INPP5D: variants seen among roughly 807,000 people sequenced by gnomAD.
INPP5D encodes the protein phosphatidylinositol 3,4,5-trisphosphate 5-phosphatase 1.
In INPP5D, 33 loss-of-function variants were observed where a neutral mutation model predicts 122.9. The observed-to-expected ratio is 0.27, with a 90% confidence interval of 0.20 to 0.36. The LOEUF is 0.36. Ranked by LOEUF, INPP5D falls within the 10% of genes least tolerant of loss-of-function variation. The pLI is 1.00. For missense variants in INPP5D, 1,053 were observed against 1,412.7 expected (o/e 0.75, Z 4.08); for synonymous variants, 584 against 576.2 (o/e 1.01, Z -0.19).
chr2:233,181,390 C>T (rs897435166), intron 18 of INPP5D, among the ~76,000 whole-genome samples: 1 of 152,112 alleles, frequency 6.6e-6, no homozygotes, highest in Non-Finnish European at 1.5e-5. Flanking sequence ...CCTTTGCCCG[C>T]CCATTCATGG....
intron 1 of INPP5D, among the ~76,000 whole-genome samples, chr2:233,065,240 G>A (rs1447256186): frequency 6.6e-6 from 1 of 151,416 alleles, no homozygotes; most frequent in African/African-American, 2.4e-5. Flanking sequence ...CAGCTTTGAT[G>A]CTTTGCATGT....
At chr2:233,065,307 G>GC (rs1553564991) in intron 1 of INPP5D, among the ~76,000 whole-genome samples, 40 of 116,956 alleles carry the variant, frequency 3.4e-4, no homozygotes, top group African/African-American at 1.2e-3. Context: ...CACTTCTTGG[G>GC]TTTTTTTTTT....
chr2:233,109,122 G>A (rs529852130), intron 2 of INPP5D, among the ~76,000 whole-genome samples: 2 of 152,314 alleles, frequency 1.3e-5, no homozygotes, highest in South Asian at 4.1e-4. Context: ...GTCACAAAAT[G>A]AGACCTGCCT....
At chr2:233,149,438 G>A (rs1220664869) in intron 9 of INPP5D, among the ~76,000 whole-genome samples, 1 of 152,052 alleles carries the variant, frequency 6.6e-6, no homozygotes, top group African/African-American at 2.4e-5. Context: ...CACTAAGTAT[G>A]GGGAACTGGG....
At chr2:233,068,330 C>G (rs867832109) in intron 1 of INPP5D, among the ~76,000 whole-genome samples, 2 of 147,720 alleles carry the variant, frequency 1.4e-5, no homozygotes, top group Admixed American at 6.8e-5. Context: ...TGTGGTGGCT[C>G]ACACCTGTAA....
At chr2:233,101,375 G>A (rs565895117) in intron 2 of INPP5D, among the ~76,000 whole-genome samples, 42 of 152,124 alleles carry the variant, frequency 2.8e-4, no homozygotes, top group African/African-American at 9.4e-4. Context: ...CCAAGTCCTG[G>A]CGAGGTCTGC....
intron 2 of INPP5D, among the ~76,000 whole-genome samples, chr2:233,106,280 G>T (rs1692467250): frequency 6.6e-6 from 1 of 152,150 alleles, no homozygotes; most frequent in Admixed American, 6.5e-5. Flanking sequence ...GCTGAACCAG[G>T]CTGGACTCCA....
intron 8 of INPP5D, among the ~76,000 whole-genome samples, chr2:233,146,781 GAA>G (rs372089347): frequency 0.1 from 15,537 of 151,862 alleles, 1,138 homozygotes; most frequent in East Asian, 0.31. Flanking sequence ...GGGGAATTCA[GAA>G]AAAAAATCGT....
rs919302295 is a variant in INPP5D at position 233,090,019 on chromosome 2, G to T, written c.198+10621G>T. 5.3e-5 allele frequency among the ~76,000 whole-genome samples: 8 copies of T among 152,188 alleles called. No individual in the cohort carries two copies. The South Asian group carries it at 6.2e-4, about 12-fold the overall frequency. ...CCCAGCGTCCACATCCTCGCATTGT[G>T]GGGTGGTAGGCGACCCGGTGTCTGT... On this transcript the variant is annotated intron_variant, in intron 2 of 26. Coordinates refer to ENST00000445964, the MANE Select transcript of INPP5D (RefSeq NM_001017915.3).
intron 9 of INPP5D, among the ~76,000 whole-genome samples, chr2:233,150,115 T>C (rs1693883653): frequency 6.6e-6 from 1 of 152,136 alleles, no homozygotes; most frequent in South Asian, 2.1e-4. Context: ...CTTAGAGTGA[T>C]GGTTTCCTCT....
At chr2:233,185,756 T>A in intron 20 of INPP5D, 87 bp from the exon 21 acceptor site, 2 of 1,171,076 alleles carry the variant, frequency 1.7e-6, no homozygotes, top group Non-Finnish European at 2.2e-6. Flanking sequence ...CACATCTTCC[T>A]AGGTCTGGGT....
intron 3 of INPP5D, among the ~76,000 whole-genome samples, chr2:233,124,816 G>A (rs554518446): frequency 2.6e-5 from 4 of 152,364 alleles, no homozygotes; most frequent in East Asian, 3.9e-4. Flanking sequence ...CTTCACTTCC[G>A]CAAACGAGGT....
chr2:233,132,009 T>C (rs947149564), intron 5 of INPP5D, among the ~76,000 whole-genome samples: 4 of 152,160 alleles, frequency 2.6e-5, no homozygotes, highest in African/African-American at 7.2e-5. Flanking sequence ...AATTGGCCAG[T>C]TGGGCTTAAT....
intron 2 of INPP5D, chr2:233,120,613 G>A (rs1692941557): frequency 6.6e-6 from 1 of 152,378 alleles, no homozygotes; most frequent in Non-Finnish European, 1.5e-5. Flanking sequence ...CCACCCAGAA[G>A]GGGTGCCTCT....
intron 13 of INPP5D, among the ~76,000 whole-genome samples, chr2:233,167,100 G>A (rs1574780430): frequency 2.0e-5 from 3 of 151,268 alleles, no homozygotes; most frequent in South Asian, 2.1e-4. Context: ...TGCTAGGCAC[G>A]ATGGCTCATG....
chr2:233,111,485 TTG>T (rs1221307971), intron 2 of INPP5D, among the ~76,000 whole-genome samples: 1 of 152,244 alleles, frequency 6.6e-6, no homozygotes, highest in Non-Finnish European at 1.5e-5. Flanking sequence ...TTGCCTTTTC[TTG>T]TCTTTCATGA....
chr2:233,099,921 AG>A (rs1250476598), intron 2 of INPP5D, among the ~76,000 whole-genome samples: 4 of 152,160 alleles, frequency 2.6e-5, no homozygotes, highest in African/African-American at 9.7e-5. Flanking sequence ...CGGAAGGTGA[AG>A]GGCACATCTC....
At chr2:233,123,638 G>T (rs1693063372) in intron 3 of INPP5D, among the ~76,000 whole-genome samples, 1 of 152,166 alleles carries the variant, frequency 6.6e-6, no homozygotes, top group Admixed American at 6.6e-5. Flanking sequence ...TAAGGGAATA[G>T]AAATCATTTT....
chr2:233,090,945 C>T (rs1691974261), intron 2 of INPP5D, among the ~76,000 whole-genome samples: 1 of 138,740 alleles, frequency 7.2e-6, no homozygotes, highest in African/African-American at 2.7e-5. Context: ...GTGACAAGAG[C>T]AAAATTCCGT....
Sources: allele counts gnomAD v4.1 joint callset (sites outside exome capture counted in the v4.1 genomes callset), GRCh38; gene constraint gnomAD v4.1.1; transcripts MANE v1.5; gene names NCBI Gene and HGNC (gene_info 2026-07-23, HGNC 2026-07-21).